The following UGT1A4 variants were observed in gnomAD, a reference collection of about 807,000 sequenced individuals.
UGT1A4 encodes UDP glucuronosyltransferase family 1 member A4.
In UGT1A4, 32 loss-of-function variants were observed where a neutral mutation model predicts 41.1. The observed-to-expected ratio is 0.78, with a 90% CI of 0.59 to 1.05. The LOEUF (loss-of-function observed/expected upper bound fraction) is 1.05. Among genes scored for constraint, UGT1A4 ranks in the 50% least tolerant of loss-of-function variants. The pLI is 0.00. For missense variants in UGT1A4, 748 were observed against 677.4 expected (o/e 1.10, Z -1.16); for synonymous variants, 283 against 265.1 (o/e 1.07, Z -0.66).
intron 1 of UGT1A4, among the ~76,000 whole-genome samples, chr2:233,745,582 T>C (rs1693150962): frequency 6.6e-6 from 1 of 151,630 alleles, no homozygotes; most frequent in Admixed American, 6.6e-5. Context: ...TGACATAACC[T>C]GAGACCCGGA....
Position 233,725,264 on chromosome 2 carries a change from GGAGGCAGAGGCA to G in UGT1A4, c.867+5619_867+5630del, listed in dbSNP as rs551912265. Among the ~76,000 whole-genome samples, 306 of 58,542 alleles carry G rather than the reference GGAGGCAGAGGCA, an allele frequency of 5.2e-3. 76 individuals are homozygous for G. The highest frequency in any genetic ancestry group is 9.6e-3 in the African/African-American group (73 of 7,632). 38.4% of individuals were successfully genotyped at this position (58,542 alleles called of 152,430 possible). ...CAGAGGCAGAGGAGGCAGAGGCAGA[GGAGGCAGAGGCA>G]GAGGCAGAGGCAGAGGCAGAGGCAG... On this transcript the variant is annotated intron_variant, in intron 1 of 4. Coordinates refer to ENST00000373409, the MANE Select transcript of UGT1A4 (RefSeq NM_007120.3).
chr2:233,761,943 G>A (rs542276464), intron 1 of UGT1A4, among the ~76,000 whole-genome samples: 197 of 152,320 alleles, frequency 1.3e-3, no homozygotes, highest in Non-Finnish European at 2.4e-3. Context: ...CAGGTGCTGC[G>A]TCTGGCTCCC....
At chr2:233,729,636 G>T (rs755096883) in intron 1 of UGT1A4, 3 of 1,613,468 alleles carry the variant, frequency 1.9e-6, no homozygotes, top group East Asian at 4.5e-5. Flanking sequence ...TTCCTACTGT[G>T]TTTTTTTTGA....
rs556291305 is a variant in UGT1A4, at chr2:233,766,974, G to A, written c.868-60G>A. 4.3e-6 allele frequency: 7 copies of A among 1,611,912 alleles called. No homozygotes were observed. In the East Asian group the frequency reaches 1.6e-4, roughly 36 times the overall value. On this transcript the variant is annotated intron_variant, in intron 1 of 4. Transcript: ENST00000373409. ...GAAGATATCTAATTCATAACTTACT[G>A]TATGTAGTCATCAAAGAATATGAGA... is the stretch of plus-strand genomic sequence containing the variant.
At chr2:233,746,036 T>C (rs1289078597) in intron 1 of UGT1A4, among the ~76,000 whole-genome samples, 1 of 151,694 alleles carries the variant, frequency 6.6e-6, no homozygotes, top group South Asian at 2.1e-4. Context: ...ACTTACTTGC[T>C]GGCTTGGATG....
rs1399932321 is a variant in UGT1A4, at chr2:233,747,632, C to A, written c.868-19402C>A. 22 of 1,580,286 alleles carry A rather than the reference C, an allele frequency of 1.4e-5. No homozygotes were observed. In the Admixed American group the frequency reaches 1.8e-4, roughly 13 times the overall value. On this transcript the variant is annotated intron_variant, in intron 1 of 4. Transcript: ENST00000373409. ...TGCATAATGAGGCCCTGATCAGGCA[C>A]CTGAATGCTACTTCCTTCGATGTGG...
chr2:233,756,325 C>G (rs903343397), intron 1 of UGT1A4: 1 of 152,158 alleles, frequency 6.6e-6, no homozygotes, highest in Non-Finnish European at 1.5e-5. Context: ...CTCCTTTAAA[C>G]CTCTAGTCAT....
chr2:233,742,206 C>T (rs2125841703), intron 1 of UGT1A4, among the ~76,000 whole-genome samples: 1 of 152,086 alleles, frequency 6.6e-6, no homozygotes, highest in African/African-American at 2.4e-5. Context: ...AGGGGACTCA[C>T]AGCCTTCAGG....
chr2:233,743,232 T>C, intron 1 of UGT1A4: 1 of 418,014 alleles, frequency 2.4e-6, no homozygotes, highest in Non-Finnish European at 4.7e-6. Context: ...CTATTTATTA[T>C]GAAGGACTTT....
chr2:233,728,547 T>G (rs547390241), intron 1 of UGT1A4, among the ~76,000 whole-genome samples: 2 of 152,326 alleles, frequency 1.3e-5, no homozygotes, highest in African/African-American at 4.8e-5. Flanking sequence ...GAGTCCTCTC[T>G]GATCCTTACA....
chr2:233,744,024 G>A lies in UGT1A4; in HGVS notation c.868-23010G>A, dbSNP rs532921168. The A allele has an allele frequency of 1.8e-4, 170 of 951,358 alleles. 2 individuals carry two copies. The highest frequency in any genetic ancestry group is 2.3e-4 in the Non-Finnish European group (161 of 710,466). 58.9% of individuals were successfully genotyped at this position (951,358 alleles called of 1,614,324 possible). Reference sequence around the variant, plus strand: ...GGAGACCTGGGCCGCCTGGAGAGACGCCCCTTATGACGCAGCCACATCTCA... The same window carrying A: ...GGAGACCTGGGCCGCCTGGAGAGACACCCCTTATGACGCAGCCACATCTCA... On this transcript the variant is annotated intron_variant, in intron 1 of 4. Coordinates refer to ENST00000373409, the MANE Select transcript of UGT1A4 (RefSeq NM_007120.3).
At chr2:233,735,490 G>T (rs1335131931) in intron 1 of UGT1A4, among the ~76,000 whole-genome samples, 1 of 152,096 alleles carries the variant, frequency 6.6e-6, no homozygotes, top group Non-Finnish European at 1.5e-5. Context: ...TTTTTTAATT[G>T]CAGCATTTAG....
intron 1 of UGT1A4, chr2:233,755,181 C>G: frequency 8.3e-7 from 1 of 1,205,566 alleles, no homozygotes. Context: ...GTCGGGGTGC[C>G]ACTTGAGCGC....
intron 1 of UGT1A4, among the ~76,000 whole-genome samples, chr2:233,724,767 C>T (rs2125706363): frequency 7.0e-6 from 1 of 143,094 alleles, no homozygotes; most frequent in African/African-American, 2.7e-5. Context: ...GGCGGCCAGG[C>T]AGAGACACTC....
intron 1 of UGT1A4, chr2:233,755,083 C>G: frequency 1.5e-6 from 2 of 1,335,264 alleles, no homozygotes; most frequent in Non-Finnish European, 2.0e-6. Context: ...TCATAGATAT[C>G]GCGTTTCTAC....
At chr2:233,753,470 T>A (rs532317483) in intron 1 of UGT1A4, 1 of 152,352 alleles carries the variant, frequency 6.6e-6, no homozygotes, top group South Asian at 2.1e-4. Context: ...CTGTAAAAAA[T>A]TACCAGCATG....
Position 233,767,923 on chromosome 2 carries a change from A to G in UGT1A4, c.1074A>G (p.Gln358=), listed in dbSNP as rs553243445. ...NNTILVKWLP[Q]NDLLGHPMTR... ...CGATACTTGTTAAGTGGCTACCCCA[A>G]AACGATCTGCTTGGTATGTTGGGCG... Residue 358 remains glutamine (Q), a synonymous_variant, in exon 3 of 5, where the codon CAA becomes CAG. Transcript: ENST00000373409. The G allele has an allele frequency of 2.8e-5, 45 of 1,614,102 alleles. No individual in the cohort carries two copies. The highest frequency in any genetic ancestry group is 1.6e-4 in the Middle Eastern group (1 of 6,084).
At chr2:233,746,132 G>A (rs998349575) in intron 1 of UGT1A4, among the ~76,000 whole-genome samples, 1 of 151,792 alleles carries the variant, frequency 6.6e-6, no homozygotes, top group African/African-American at 2.4e-5. Flanking sequence ...CTGTGGACTG[G>A]CACCTGAGTG....
Position 233,769,714 on chromosome 2 carries a change from G to C in UGT1A4, c.1307+1275G>C. On this transcript the variant is annotated intron_variant, in intron 4 of 4. Coordinates refer to ENST00000373409, the MANE Select transcript of UGT1A4 (RefSeq NM_007120.3). This position sits in a 1 kb window ranked among gnomAD's most constrained non-coding sequence, Gnocchi z 4.4. ...TGGATAAAAGATCAATGTTGGCTAG[G>C]CACCATGGCACACGCCTGTAGTCCC... 6.7e-7 allele frequency: 1 copy of C among 1,497,244 alleles called. No homozygotes were observed. Among genetic ancestry groups the C allele is most frequent in the Non-Finnish European group, 8.9e-7 (1 of 1,121,796 alleles). The allele number at this position is 1,497,244 out of a possible 1,614,324, so 92.7% of individuals were successfully genotyped here. A position where few individuals can be genotyped will look rare whatever the true frequency, so the allele number is the denominator to read the frequency against.
Sources: allele counts gnomAD v4.1 joint callset (sites outside exome capture counted in the v4.1 genomes callset), GRCh38; gene constraint gnomAD v4.1.1; non-coding constraint Gnocchi (gnomAD v3.1); transcripts MANE v1.5; gene names NCBI Gene and HGNC (gene_info 2026-07-23, HGNC 2026-07-21).